BAALC: variants seen among roughly 807,000 people sequenced by gnomAD.
The protein encoded by BAALC is BAALC binder of MAP3K1 and KLF4, also known as brain and acute leukemia cytoplasmic protein.
In BAALC, 9 loss-of-function variants were observed where a neutral mutation model predicts 15.5. That is an observed-to-expected ratio of 0.58 (90% CI 0.35 to 1.02). The LOEUF is 1.02. Ranked by LOEUF, BAALC falls within the 50% of genes least tolerant of loss-of-function variation. BAALC has a pLI of 0.02. For synonymous variants in BAALC, 80 were observed against 74.6 expected (o/e 1.07, Z -0.37); for missense variants, 201 against 192.4 (o/e 1.04, Z -0.27).
At chr8:103,181,645 G>C (rs1274204939) in intron 1 of BAALC, among the ~76,000 whole-genome samples, 2 of 152,198 alleles carry the variant, frequency 1.3e-5, no homozygotes, top group Non-Finnish European at 2.9e-5. Flanking sequence ...TTCTGTCTTA[G>C]TGTACATTGA....
chr8:103,159,123 A>G (rs1229745336), intron 1 of BAALC, among the ~76,000 whole-genome samples: 1 of 152,150 alleles, frequency 6.6e-6, no homozygotes, highest in Non-Finnish European at 1.5e-5. Context: ...GCTTGACGGA[A>G]TTCTGGTTTG....
At chr8:103,153,942 G>A (rs1586375923) in intron 1 of BAALC, among the ~76,000 whole-genome samples, 3 of 152,154 alleles carry the variant, frequency 2.0e-5, no homozygotes, top group South Asian at 2.1e-4. Context: ...AGCAGAGACC[G>A]CCTGTGCACC....
At chr8:103,145,190 G>C (rs986530921) in intron 1 of BAALC, among the ~76,000 whole-genome samples, 1 of 152,206 alleles carries the variant, frequency 6.6e-6, no homozygotes, top group Non-Finnish European at 1.5e-5. Context: ...TCATCTCTAA[G>C]GATGGAATAT....
chr8:103,160,842 T>G (rs1222369364), intron 1 of BAALC, among the ~76,000 whole-genome samples: 1 of 152,158 alleles, frequency 6.6e-6, no homozygotes, highest in Non-Finnish European at 1.5e-5. Context: ...TTCACGTTTT[T>G]CTGCCTGATT....
At chr8:103,171,065 C>T (rs1310953703) in intron 1 of BAALC, among the ~76,000 whole-genome samples, 2 of 150,098 alleles carry the variant, frequency 1.3e-5, no homozygotes, top group East Asian at 1.9e-4. Context: ...CCAAACAGAG[C>T]CAGCTGAACA....
At chr8:103,156,773 G>A (rs1438412265) in intron 1 of BAALC, among the ~76,000 whole-genome samples, 1 of 152,218 alleles carries the variant, frequency 6.6e-6, no homozygotes, top group African/African-American at 2.4e-5. Flanking sequence ...GTGAGTCTGG[G>A]CAGCTGATGA....
chr8:103,150,153 C>T (rs1189955465), intron 1 of BAALC, among the ~76,000 whole-genome samples: 2 of 152,090 alleles, frequency 1.3e-5, no homozygotes, highest in Non-Finnish European at 2.9e-5. Flanking sequence ...TTTATAAAAC[C>T]ATCGGATCTC....
Position 103,229,391 on chromosome 8 carries a change from G to C in BAALC, c.*1292G>C, listed in dbSNP as rs1812873299. On this transcript the variant is annotated 3_prime_UTR_variant, in exon 3 of 3. Transcript: ENST00000309982. ...TGTTATGTTTATGTAACATAGTCCA[G>C]AGAACTGACATGCAGGTCAAAAGTC... The C allele has an allele frequency of 6.6e-6, 1 of 152,220 alleles. No individual in the cohort carries two copies. The highest frequency in any genetic ancestry group is 2.4e-5 in the African/African-American group (1 of 41,466). 9.4% of individuals were successfully genotyped at this position (152,220 alleles called of 1,614,324 possible).
chr8:103,199,977 AG>A (rs1328245820), intron 1 of BAALC, among the ~76,000 whole-genome samples: 3 of 152,196 alleles, frequency 2.0e-5, no homozygotes, highest in Admixed American at 2.0e-4. Context: ...GTTACTGCAA[AG>A]GACATGATCT....
At chr8:103,203,318 C>T (rs959008481) in intron 1 of BAALC, among the ~76,000 whole-genome samples, 2 of 152,178 alleles carry the variant, frequency 1.3e-5, no homozygotes, top group Non-Finnish European at 2.9e-5. Flanking sequence ...GTCCACTAGT[C>T]AGTTTCTCTC....
At chr8:103,190,562 C>T (rs754805717) in intron 1 of BAALC, among the ~76,000 whole-genome samples, 10 of 152,236 alleles carry the variant, frequency 6.6e-5, no homozygotes, top group South Asian at 2.1e-4. Context: ...TAAAGTGTTG[C>T]AATGGAATAT....
intron 1 of BAALC, among the ~76,000 whole-genome samples, chr8:103,154,111 T>C (rs895628892): frequency 6.6e-6 from 1 of 152,194 alleles, no homozygotes. Context: ...TAAGTGATGA[T>C]GTACAAGCAC....
intron 1 of BAALC, among the ~76,000 whole-genome samples, chr8:103,168,464 C>T (rs922611149): frequency 6.7e-6 from 1 of 149,666 alleles, no homozygotes; most frequent in Non-Finnish European, 1.5e-5. Context: ...ATTACTTTTC[C>T]TTTCACAGAC....
intron 1 of BAALC, among the ~76,000 whole-genome samples, chr8:103,147,399 A>G (rs1810899075): frequency 6.6e-6 from 1 of 152,262 alleles, no homozygotes; most frequent in Non-Finnish European, 1.5e-5. Flanking sequence ...TAAATAATTT[A>G]AAGAGTGTAA....
chr8:103,181,518 C>A (rs192446965), intron 1 of BAALC, among the ~76,000 whole-genome samples: 6 of 152,070 alleles, frequency 3.9e-5, no homozygotes, highest in Non-Finnish European at 7.4e-5. Context: ...GTGATCTGCC[C>A]GCCTTGGCCT....
intron 1 of BAALC, among the ~76,000 whole-genome samples, chr8:103,162,602 C>G (rs1811251027): frequency 6.6e-6 from 1 of 152,102 alleles, no homozygotes; most frequent in Non-Finnish European, 1.5e-5. Context: ...GCTGCATTGC[C>G]TTTTATGTCC....
chr8:103,172,245 G>C (rs960082670), intron 1 of BAALC: 2 of 151,732 alleles, frequency 1.3e-5, no homozygotes, highest in Non-Finnish European at 2.9e-5. Flanking sequence ...TAGTATTTTT[G>C]GCCTTTCAGT....
intron 1 of BAALC, among the ~76,000 whole-genome samples, chr8:103,157,301 G>T (rs1381666935): frequency 6.6e-6 from 1 of 151,512 alleles, no homozygotes; most frequent in African/African-American, 2.4e-5. Context: ...AACTTTATAC[G>T]CACATATTTC....
intron 1 of BAALC, among the ~76,000 whole-genome samples, chr8:103,174,435 AG>A (rs1811563612): frequency 6.6e-6 from 1 of 152,186 alleles, no homozygotes; most frequent in Non-Finnish European, 1.5e-5. Context: ...ACAGACTCAT[AG>A]CATGGCCTGC....
Sources: gnomAD v4.1 joint callset for allele counts (sites outside exome capture counted in the v4.1 genomes callset) on GRCh38, gnomAD v4.1.1 for gene constraint, MANE v1.5 for transcripts, NCBI Gene and HGNC (gene_info 2026-07-23, HGNC 2026-07-21) for gene names.